The following ELAPOR1 variants were observed in gnomAD, a reference collection of about 807,000 sequenced individuals.
ELAPOR1 encodes the protein endosome-lysosome associated apoptosis and autophagy regulator 1.
ELAPOR1 carries 77 observed loss-of-function variants against 119.7 expected under a neutral mutation model. The ratio of observed to expected loss-of-function variants is 0.64; its 90% CI spans 0.54 to 0.78. The LOEUF (loss-of-function observed/expected upper bound fraction) is 0.78. Ranked by LOEUF, ELAPOR1 falls within the 30% of genes least tolerant of loss-of-function variation. The pLI, the probability that ELAPOR1 is intolerant of heterozygous loss-of-function variation, is 0.00. For missense variants in ELAPOR1, 1,115 were observed against 1,270.4 expected (o/e 0.88, Z 1.86); for synonymous variants, 481 against 487.2 (o/e 0.99, Z 0.17).
At chr1:109,125,944 G>T (rs1648750017) in intron 1 of ELAPOR1, among the ~76,000 whole-genome samples, 1 of 152,096 alleles carries the variant, frequency 6.6e-6, no homozygotes, top group South Asian at 2.1e-4. Context: ...ACCCAACCAG[G>T]AGTGAAGTGT....
intron 1 of ELAPOR1, among the ~76,000 whole-genome samples, chr1:109,124,095 T>A (rs911522713): frequency 6.6e-6 from 1 of 152,192 alleles, no homozygotes; most frequent in Non-Finnish European, 1.5e-5. Context: ...AGCCACCATG[T>A]CTGGCCATAA....
intron 1 of ELAPOR1, among the ~76,000 whole-genome samples, chr1:109,119,108 G>T (rs901926945): frequency 3.3e-5 from 5 of 151,862 alleles, no homozygotes; most frequent in African/African-American, 1.2e-4. Flanking sequence ...TGTTGGCCAG[G>T]CTGGTCTTGA....
intron 17 of ELAPOR1, 86 bp downstream of exon 17, chr1:109,198,161 C>T (rs1653946391): frequency 9.6e-7 from 1 of 1,046,006 alleles, no homozygotes; most frequent in East Asian, 2.4e-5. Flanking sequence ...TAGCCACCTA[C>T]TGCTTATCAA....
chr1:109,154,963 C>T (rs756611173), intron 1 of ELAPOR1, among the ~76,000 whole-genome samples: 1 of 152,242 alleles, frequency 6.6e-6, no homozygotes, highest in African/African-American at 2.4e-5. Context: ...TGGGGGCAAG[C>T]AACAGCTTGC....
intron 7 of ELAPOR1, among the ~76,000 whole-genome samples, chr1:109,177,414 GGA>G: frequency 8.2e-6 from 1 of 121,506 alleles, no homozygotes; most frequent in East Asian, 2.7e-4. Flanking sequence ...CTCACATCCT[GGA>G]CGGGGCGGCA....
chr1:109,150,740 C>T (rs896721296), intron 1 of ELAPOR1, among the ~76,000 whole-genome samples: 1 of 152,180 alleles, frequency 6.6e-6, no homozygotes, highest in African/African-American at 2.4e-5. Context: ...ATGGGGGACT[C>T]TCTACTTCCC....
chr1:109,153,154 A>G (rs1055615499), intron 1 of ELAPOR1, among the ~76,000 whole-genome samples: 16 of 151,990 alleles, frequency 1.1e-4, no homozygotes, highest in African/African-American at 3.6e-4. Context: ...GAAATAATGT[A>G]TTTCAAATTT....
intron 3 of ELAPOR1, among the ~76,000 whole-genome samples, chr1:109,170,263 G>A (rs757022509): frequency 3.3e-5 from 5 of 152,216 alleles, no homozygotes; most frequent in Non-Finnish European, 5.9e-5. Context: ...AAAGGGATGA[G>A]GTTAGTGGAG....
Position 109,197,694 on chromosome 1 carries a change from T to A in ELAPOR1, c.2302+40T>A, listed in dbSNP as rs112853301. On this transcript the variant is annotated intron_variant, in intron 16 of 21. Transcript: ENST00000369939. ...TGCCTCAGCCTTGTTTGAGAGTGTG[T>A]GTGTGTGTGTGTGTGTGTGTATGTG... 8.8e-4 allele frequency: 1,289 copies of A among 1,456,672 alleles called. 2 individuals are homozygous for A. Among genetic ancestry groups the A allele is most frequent in the South Asian group, 1.7e-3 (135 of 77,808 alleles). The allele number at this position is 1,456,672 out of a possible 1,614,324, so 90.2% of individuals were successfully genotyped here. A position where few individuals can be genotyped will look rare whatever the true frequency, so the allele number is the denominator to read the frequency against.
At position 109,172,117 on chromosome 1, in the gene ELAPOR1, CTG is replaced by C. The variant is rs779152370; in HGVS notation, c.615+106_615+107del. ...AGTGTAGCCCTGCTTGGGGGAATCA[CTG>C]TTGTTTTCTCTCTGGAGAGAGCTGT... is the stretch of plus-strand genomic sequence containing the variant. On this transcript the variant is annotated intron_variant, in intron 4 of 21. Transcript: ENST00000369939. 1,022 of 1,396,962 alleles carry C rather than the reference CTG, an allele frequency of 7.3e-4. 3 individuals are homozygous for C. The highest frequency in any genetic ancestry group is 9.1e-4 in the Non-Finnish European group (904 of 995,744). 86.5% of individuals were successfully genotyped at this position (1,396,962 alleles called of 1,614,324 possible).
chr1:109,173,198 C>T (rs1652031880), intron 5 of ELAPOR1, among the ~76,000 whole-genome samples: 1 of 151,460 alleles, frequency 6.6e-6, no homozygotes. Flanking sequence ...ACCCTGTTGT[C>T]AGGACCCTCA....
chr1:109,161,919 C>T lies in ELAPOR1; in HGVS notation c.179C>T (p.Ala60Val), dbSNP rs766074791. 34 of 1,613,788 alleles carry T rather than the reference C, an allele frequency of 2.1e-5. No individual in the cohort carries two copies. The highest frequency in any genetic ancestry group is 1.8e-4 in the East Asian group (8 of 44,894). Reference protein sequence around the residue: ...KESEYHYEYTACDSTGSRWRV... With the variant: ...KESEYHYEYTVCDSTGSRWRV... Reference sequence around the variant, plus strand: ...TCTGAGTACCACTATGAGTACACGGCGTGTGACAGCACGGGTTCCAGGTGG... The same window carrying T: ...TCTGAGTACCACTATGAGTACACGGTGTGTGACAGCACGGGTTCCAGGTGG... The change falls in exon 2 of 22, where the codon GCG becomes GTG. Residue 60 changes from alanine to valine, a missense_variant. Transcript: ENST00000369939.
chr1:109,195,366 C>T (rs1236561053), intron 15 of ELAPOR1, among the ~76,000 whole-genome samples: 1 of 151,366 alleles, frequency 6.6e-6, no homozygotes, highest in African/African-American at 2.4e-5. Flanking sequence ...TGGTGGCGGG[C>T]ACCTGTAGTC....
chr1:109,135,023 C>A (rs538518015), intron 1 of ELAPOR1, among the ~76,000 whole-genome samples: 1 of 152,158 alleles, frequency 6.6e-6, no homozygotes, highest in Non-Finnish European at 1.5e-5. Context: ...GGAAATCTGG[C>A]AACTACGCAG....
In ELAPOR1 at chr1:109,164,693, T is replaced by A; in HGVS notation, c.467+2T>A. The A allele has an allele frequency of 6.2e-7, 1 of 1,612,258 alleles. No individual in the cohort carries two copies. Among genetic ancestry groups the A allele is most frequent in the African/African-American group, 1.3e-5 (1 of 74,948 alleles). On this transcript the variant is annotated splice_donor_variant, in intron 3 of 21. Coordinates refer to ENST00000369939, the MANE Select transcript of ELAPOR1 (RefSeq NM_020775.5). LOFTEE classifies it high-confidence loss of function. ...TGAGTCCACCGGGAACTGTACTTCG[T>A]GAGTCTGCACACACCCCCACCCCAC...
At chr1:109,182,959 T>C (rs924261384) in intron 7 of ELAPOR1, among the ~76,000 whole-genome samples, 1 of 152,086 alleles carries the variant, frequency 6.6e-6, no homozygotes, top group East Asian at 1.9e-4. Flanking sequence ...ATTCAGTGCT[T>C]ATCTGCAGGT....
rs191998090 is a variant in ELAPOR1 at position 109,179,271 on chromosome 1, G to A, written c.952+5434G>A. On this transcript the variant is annotated intron_variant, in intron 7 of 21. Transcript: ENST00000369939. ...CAAAAAATTGGCCGGGCATGGTGGCGGGCGCCTTTAGTCCCAGCTACTCGG... is the reference window on the plus strand; with the variant it reads ...CAAAAAATTGGCCGGGCATGGTGGCAGGCGCCTTTAGTCCCAGCTACTCGG... Among the ~76,000 whole-genome samples, 98 of 151,744 alleles carry A rather than the reference G, an allele frequency of 6.5e-4. 1 individual carries two copies. Among genetic ancestry groups the A allele is most frequent in the African/African-American group, 2.2e-3 (90 of 41,398 alleles).
intron 1 of ELAPOR1, among the ~76,000 whole-genome samples, chr1:109,147,384 TAGAAAAG>T (rs1650240004): frequency 1.3e-5 from 2 of 152,292 alleles, no homozygotes; most frequent in African/African-American, 4.8e-5. Context: ...TATGACATTC[TAGAAAAG>T]GCAAAACTTT....
chr1:109,135,988 CT>C (rs1181065890), intron 1 of ELAPOR1, among the ~76,000 whole-genome samples: 4 of 152,092 alleles, frequency 2.6e-5, no homozygotes, highest in Non-Finnish European at 4.4e-5. Context: ...CATGATTCTG[CT>C]TTTCTTTTCT....
Sources: gnomAD v4.1 joint callset for allele counts (sites outside exome capture counted in the v4.1 genomes callset) on GRCh38, gnomAD v4.1.1 for gene constraint, MANE v1.5 for transcripts, NCBI Gene and HGNC (gene_info 2026-07-23, HGNC 2026-07-21) for gene names.